Variants in ELFN1 observed in about 807,000 individuals in gnomAD.
ELFN1 encodes extracellular leucine rich repeat and fibronectin type III domain containing 1, also known as protein ELFN1.
Under a neutral mutation model 7.6 loss-of-function variants are expected in ELFN1, and 6 were observed. The ratio of observed to expected loss-of-function variants is 0.79; its 90% CI spans 0.43 to 1.56. ELFN1 has a LOEUF of 1.56. ELFN1 is among the 40% of genes most tolerant of loss of function. The pLI, the probability that ELFN1 is intolerant of heterozygous loss-of-function variation, is 0.01. For missense variants in ELFN1, 1,169 were observed against 1,232.2 expected (o/e 0.95, Z 0.77); for synonymous variants, 657 against 588.1 (o/e 1.12, Z -1.70).
chr7:1,671,454 T>G (rs1778765597), intron 1 of ELFN1, among the ~76,000 whole-genome samples: 1 of 152,242 alleles, frequency 6.6e-6, no homozygotes, highest in Admixed American at 6.5e-5. Context: ...TGGCTGCCTC[T>G]GCCGCTCATT....
intron 3 of ELFN1, among the ~76,000 whole-genome samples, chr7:1,724,970 C>T (rs1457803135): frequency 6.6e-6 from 1 of 152,242 alleles, no homozygotes; most frequent in Non-Finnish European, 1.5e-5. Flanking sequence ...CCCCTCCCCA[C>T]CATGCCGGGC....
Position 1,747,158 on chromosome 7 carries a change from A to C in ELFN1, c.*75A>C. 6.6e-6 allele frequency: 9 copies of C among 1,359,262 alleles called. No homozygotes were observed. The highest frequency in any genetic ancestry group is 7.7e-6 in the Non-Finnish European group (8 of 1,038,654). The allele number at this position is 1,359,262 out of a possible 1,614,324, so 84.2% of individuals were successfully genotyped here. ...ACCCAGAGACTCAGCACCAAACCCA[A>C]CACACGCACGCCACCACAGCAACTG... On this transcript the variant is annotated 3_prime_UTR_variant, in exon 4 of 4. Transcript: ENST00000424383.
chr7:1,717,738 G>A (rs368245189), intron 3 of ELFN1, among the ~76,000 whole-genome samples: 34 of 152,262 alleles, frequency 2.2e-4, no homozygotes, highest in African/African-American at 6.0e-4. Context: ...AAACAGTGGC[G>A]TCTCCAACAC....
At position 1,745,589 on chromosome 7, in the gene ELFN1, C is replaced by T; in HGVS notation, c.993C>T (p.Ile331=). 6.4e-7 allele frequency: 1 copy of T among 1,550,874 alleles called. No individual in the cohort carries two copies. Among genetic ancestry groups the T allele is most frequent in the Non-Finnish European group, 8.7e-7 (1 of 1,146,966 alleles). The change falls in exon 4 of 4, where the codon ATC becomes ATT. Residue 331 remains isoleucine (I), a synonymous_variant. Transcript: ENST00000424383. ...AGCTCACTCAGAACTCGGCCACCAT[C>T]ACCGTCCAGCTGCCCAGCCCGTTCC... ...VKQLTQNSAT[I]TVQLPSPFHR...
chr7:1,741,751 C>T (rs1780621195), intron 3 of ELFN1, among the ~76,000 whole-genome samples: 1 of 152,158 alleles, frequency 6.6e-6, no homozygotes, highest in Non-Finnish European at 1.5e-5. Context: ...CATGTGTGAA[C>T]ATGAGGAGGA....
Position 1,735,224 on chromosome 7 carries a change from G to A in ELFN1, c.-293-9080G>A, listed in dbSNP as rs1364151781. On this transcript the variant is annotated intron_variant, in intron 3 of 3. Transcript: ENST00000424383. The surrounding 1 kb of genome is among the most constrained non-coding windows in gnomAD (Gnocchi z 5.9). ...GTCGAGGAAACAGGAGCTTTTCTCT[G>A]TTGCACACTTGTAGGGTGTTCCTGC... 2.6e-5 allele frequency among the ~76,000 whole-genome samples: 4 copies of A among 152,188 alleles called. No homozygotes were observed. The highest frequency in any genetic ancestry group is 9.6e-5 in the African/African-American group (4 of 41,452).
intron 3 of ELFN1, among the ~76,000 whole-genome samples, chr7:1,719,546 G>GC (rs1385187837): frequency 2.0e-5 from 3 of 152,082 alleles, no homozygotes; most frequent in African/African-American, 7.2e-5. Flanking sequence ...AAGCCTCCCA[G>GC]CCCCCGCAGT....
At chr7:1,723,946 A>G (rs117867780) in intron 3 of ELFN1, among the ~76,000 whole-genome samples, 2,714 of 152,096 alleles carry the variant, frequency 0.018, 39 homozygotes, top group Non-Finnish European at 0.024. Flanking sequence ...CATTGAGGCC[A>G]CTCATTCACC....
At chr7:1,736,748 T>G (rs1780458769) in intron 3 of ELFN1, among the ~76,000 whole-genome samples, 1 of 152,180 alleles carries the variant, frequency 6.6e-6, no homozygotes, top group East Asian at 1.9e-4. Flanking sequence ...TGGGGGAAAC[T>G]GAGGCCTGGA....
chr7:1,691,313 G>T (rs991593525), intron 2 of ELFN1, among the ~76,000 whole-genome samples: 3 of 152,286 alleles, frequency 2.0e-5, no homozygotes, highest in African/African-American at 7.2e-5. Flanking sequence ...AGGGAGTCTG[G>T]GAGTCAGGGC....
intron 2 of ELFN1, among the ~76,000 whole-genome samples, chr7:1,707,446 A>T (rs1436768700): frequency 6.6e-6 from 1 of 152,214 alleles, no homozygotes; most frequent in Non-Finnish European, 1.5e-5. Context: ...AACGCCCTGC[A>T]TCGCAGCATC....
At chr7:1,690,409 A>G (rs1468777209) in intron 2 of ELFN1, among the ~76,000 whole-genome samples, 2 of 148,874 alleles carry the variant, frequency 1.3e-5, no homozygotes, top group African/African-American at 5.0e-5. Flanking sequence ...GGATGGGTGG[A>G]TGAATGGATG....
intron 3 of ELFN1, among the ~76,000 whole-genome samples, chr7:1,710,756 C>T (rs1779632264): frequency 6.6e-6 from 1 of 152,232 alleles, no homozygotes; most frequent in Non-Finnish European, 1.5e-5. Context: ...GCAGGCTGCT[C>T]CCTGCCCAGG....
chr7:1,693,840 G>A (rs1779236721), intron 2 of ELFN1: 1 of 462,334 alleles, frequency 2.2e-6, no homozygotes. Context: ...GGCCAATCGG[G>A]GTTCCTGGGC....
At chr7:1,666,514 C>T (rs1057273423), upstream of ELFN1, among the ~76,000 whole-genome samples, 9 of 152,040 alleles carry the variant, frequency 5.9e-5, no homozygotes, top group Non-Finnish European at 1.3e-4. The surrounding 1 kb of genome is among the most constrained non-coding windows in gnomAD (Gnocchi z 7.9). Flanking sequence ...GCCGGACAAA[C>T]TTCCCTCCCC....
At chr7:1,727,300 T>C (rs1780224687) in intron 3 of ELFN1, among the ~76,000 whole-genome samples, 1 of 152,210 alleles carries the variant, frequency 6.6e-6, no homozygotes, top group African/African-American at 2.4e-5. Flanking sequence ...CTAGAAATGA[T>C]GAGACAAGGT....
chr7:1,701,334 C>T (rs116737962), intron 2 of ELFN1, among the ~76,000 whole-genome samples: 14,097 of 152,246 alleles, frequency 0.093, 697 homozygotes, highest in Middle Eastern at 0.14. Flanking sequence ...TACAGGCACA[C>T]TCCATCATGC....
intron 2 of ELFN1, among the ~76,000 whole-genome samples, chr7:1,702,157 G>T (rs1262821056): frequency 2.0e-5 from 3 of 152,140 alleles, no homozygotes; most frequent in Non-Finnish European, 4.4e-5. Flanking sequence ...GGGTGCAGTG[G>T]CTCACGCTTG....
intron 3 of ELFN1, among the ~76,000 whole-genome samples, chr7:1,738,270 C>T (rs981542332): frequency 6.6e-6 from 1 of 152,164 alleles, no homozygotes; most frequent in East Asian, 1.9e-4. Context: ...GGGTGAGGGG[C>T]GTCAGACACT....
Sources: gnomAD v4.1 joint callset for allele counts (sites outside exome capture counted in the v4.1 genomes callset) on GRCh38, gnomAD v4.1.1 for gene constraint, Gnocchi (gnomAD v3.1) non-coding constraint, MANE v1.5 for transcripts, NCBI Gene and HGNC (gene_info 2026-07-23, HGNC 2026-07-21) for gene names.